The following SLC19A1 variants were observed in gnomAD, a reference collection of about 807,000 sequenced individuals.
The protein encoded by SLC19A1 is reduced folate transporter.
A neutral mutation model predicts 35.3 loss-of-function variants in SLC19A1; 37 were observed. That is an observed-to-expected ratio of 1.05 (90% CI 0.81 to 1.38). The LOEUF (loss-of-function observed/expected upper bound fraction) is 1.38. Among genes scored for constraint, SLC19A1 ranks in the 40% most tolerant of loss-of-function variants. The pLI, the probability that SLC19A1 is intolerant of heterozygous loss-of-function variation, is 0.00. For synonymous variants in SLC19A1, 460 were observed against 398.5 expected, an observed-to-expected ratio of 1.15 and a Z score of -1.84; for missense variants, 831 against 826.9, an observed-to-expected ratio of 1.00 and a Z score of -0.06.
At position 45,514,932 on chromosome 21, in the gene SLC19A1, C is replaced by G; in HGVS notation, c.*726G>C. Reference sequence around the variant, plus strand: ...CGTCCGCGGTGACCGGGACCAGTCCCCTCCGGGCTGGCACAAGTGTGGGAG... The same window carrying G: ...CGTCCGCGGTGACCGGGACCAGTCCGCTCCGGGCTGGCACAAGTGTGGGAG... On this transcript the variant is annotated 3_prime_UTR_variant, in exon 6 of 6. Coordinates refer to ENST00000311124, the MANE Select transcript of SLC19A1 (RefSeq NM_194255.4). The G allele has an allele frequency of 7.1e-7, 1 of 1,406,824 alleles. No individual in the cohort carries two copies. Among genetic ancestry groups the G allele is most frequent in the Non-Finnish European group, 9.4e-7 (1 of 1,061,622 alleles). The allele number at this position is 1,406,824 out of a possible 1,614,324, so 87.1% of individuals were successfully genotyped here.
At chr21:45,509,016 G>A (rs2037413760), downstream of SLC19A1, among the ~76,000 whole-genome samples, 1 of 152,126 alleles carries the variant, frequency 6.6e-6, no homozygotes, top group Admixed American at 6.5e-5. Context: ...GAGATTAGAA[G>A]GTCGAAGGTC....
upstream of SLC19A1, chr21:45,543,998 T>G (rs1053097392): frequency 6.6e-6 from 1 of 152,214 alleles, no homozygotes; most frequent in Non-Finnish European, 1.5e-5. Flanking sequence ...CGAGGGGAAG[T>G]GGGGATGAAC....
chr21:45,525,719 C>CCACA (rs2077587468), intron 5 of SLC19A1, 98 bp downstream of exon 5: 3 of 1,410,236 alleles, frequency 2.1e-6, no homozygotes, highest in Non-Finnish European at 2.9e-6. Context: ...TGCCCCCAGC[C>CCACA]CACAGTGGGC....
downstream of SLC19A1, chr21:45,511,132 TG>T: frequency 6.3e-7 from 1 of 1,583,978 alleles, no homozygotes; most frequent in Non-Finnish European, 8.6e-7. Context: ...GTTTCCCAGC[TG>T]GGAGGCTCTG....
intron 1 of SLC19A1, among the ~76,000 whole-genome samples, chr21:45,552,917 G>A (rs1162142238): frequency 5.9e-5 from 9 of 152,178 alleles, no homozygotes; most frequent in Admixed American, 5.2e-4. Flanking sequence ...ACGGCCTCTC[G>A]CCCAGAACAG....
intron 3 of SLC19A1, 58 bp downstream of exon 3, chr21:45,531,331 G>C (rs1165453719): frequency 6.5e-7 from 1 of 1,531,694 alleles, no homozygotes; most frequent in Non-Finnish European, 8.8e-7. Context: ...CACGGGGCAG[G>C]CGGAGGTGGA....
chr21:45,507,740 G>A (rs1242760006), downstream of SLC19A1: 12 of 778,532 alleles, frequency 1.5e-5, no homozygotes, highest in Non-Finnish European at 2.4e-5. Flanking sequence ...GCAGAAACTG[G>A]TGCAGGACAC....
At chr21:45,504,621 G>C (rs1342897922) in intron 3 of SLC19A1, 4 of 1,444,570 alleles carry the variant, frequency 2.8e-6, no homozygotes, top group South Asian at 2.4e-5. Flanking sequence ...GCCGAGGGCA[G>C]GTCCAGCCCG....
rs893802691 is a variant in SLC19A1, at chr21:45,534,977, C to T, written c.189+2794G>A. 2.6e-5 allele frequency among the ~76,000 whole-genome samples: 4 copies of T among 152,262 alleles called. No individual in the cohort carries two copies. Among genetic ancestry groups the T allele is most frequent in the Admixed American group, 2.6e-4 (4 of 15,286 alleles). On this transcript the variant is annotated intron_variant, in intron 2 of 5. Transcript: ENST00000311124. This position sits in a 1 kb window ranked among gnomAD's most constrained non-coding sequence, Gnocchi z 4.2. ...AGCTGCGCCCAAATCTACGTCCAGACGGCCTCAGGGCGGCTTCTCTGAACA... is the reference window on the plus strand; with the variant it reads ...AGCTGCGCCCAAATCTACGTCCAGATGGCCTCAGGGCGGCTTCTCTGAACA...
intron 5 of SLC19A1, among the ~76,000 whole-genome samples, chr21:45,522,574 C>G (rs1372343317): frequency 6.6e-6 from 1 of 152,182 alleles, no homozygotes; most frequent in Admixed American, 6.5e-5. Flanking sequence ...TTGGTAATAC[C>G]TCACACTGGA....
chr21:45,545,157 G>C (rs1215885816), upstream of SLC19A1, among the ~76,000 whole-genome samples: 2 of 152,176 alleles, frequency 1.3e-5, no homozygotes, highest in African/African-American at 2.4e-5. Flanking sequence ...ACAGACATGC[G>C]CAGACACGCA....
rs564794512 is a variant in SLC19A1 at position 45,531,678 on chromosome 21, G to A, written c.660C>T (p.Cys220=). Residue 220 remains cysteine (C), a synonymous_variant, in exon 3 of 6, where the codon TGC becomes TGT. Transcript: ENST00000311124. The stretch of plus-strand genomic sequence containing the variant: ...GCTCCAGCTCCGAAGCCGAGGTTTC[G>A]CACCGCCCCCGGTCGTCGCGGTTGA... ...LFFNRDDRGR[C]ETSASELERM... 46 of 1,612,342 alleles carry A rather than the reference G, an allele frequency of 2.9e-5. 1 individual carries two copies. The South Asian group carries it at 4.1e-4, about 14-fold the overall frequency.
chr21:45,553,055 G>C (rs927897813), intron 1 of SLC19A1, among the ~76,000 whole-genome samples: 6 of 152,174 alleles, frequency 3.9e-5, no homozygotes, highest in African/African-American at 1.2e-4. Flanking sequence ...ACTAAAACAA[G>C]ACTCCACCGG....
Position 45,534,409 on chromosome 21 carries a change from C to T in SLC19A1, c.190-2261G>A, listed in dbSNP as rs999617353. 1.7e-5 allele frequency: 13 copies of T among 743,408 alleles called. No individual in the cohort carries two copies. Among genetic ancestry groups the T allele is most frequent in the African/African-American group, 3.5e-5 (2 of 56,708 alleles). The allele number at this position is 743,408 out of a possible 1,614,324, so 46.1% of individuals were successfully genotyped here. A position where few individuals can be genotyped will look rare whatever the true frequency, so the allele number is the denominator to read the frequency against. ...CTGCGTGGGGGCATGACAGCCCCAG[C>T]CCCTGGCCGGGGCACAGGTTCTGCC... On this transcript the variant is annotated intron_variant, in intron 2 of 5. Coordinates refer to ENST00000311124, the MANE Select transcript of SLC19A1 (RefSeq NM_194255.4). This position sits in a 1 kb window ranked among gnomAD's most constrained non-coding sequence, Gnocchi z 4.2.
Position 45,531,508 on chromosome 21 carries a change from T to G in SLC19A1, c.830A>C (p.Asn277Thr). 3.7e-6 allele frequency: 6 copies of G among 1,612,370 alleles called. No individual in the cohort carries two copies. Among genetic ancestry groups the G allele is most frequent in the Non-Finnish European group, 3.4e-6 (4 of 1,179,696 alleles). The change falls in exon 3 of 6, where the codon AAC (asparagine) becomes ACC (threonine). Residue 277 changes from asparagine to threonine, a missense_variant. Asn to Thr is a moderately conservative substitution (Grantham distance 65). Transcript: ENST00000311124. ...GACCACCAGGTAGTAGCCGGCCGAG[T>G]TGAAGACCCACCAGAGGGACCACAG... is the stretch of plus-strand genomic sequence containing the variant. ...LRLWSLWWVF[N>T]SAGYYLVVYY...
At chr21:45,512,242 G>C (rs1248706251), downstream of SLC19A1, 3 of 1,612,578 alleles carry the variant, frequency 1.9e-6, no homozygotes. Flanking sequence ...GGCTGACCGA[G>C]AGCTACTGTG....
intron 1 of SLC19A1, among the ~76,000 whole-genome samples, chr21:45,555,782 G>A (rs1051836386): frequency 6.6e-6 from 1 of 152,122 alleles, no homozygotes; most frequent in Non-Finnish European, 1.5e-5. Flanking sequence ...CGCGCCAGCC[G>A]AGGGGCCCGG....
Position 45,514,629 on chromosome 21 carries a change from C to T in SLC19A1, c.*1029G>A. On this transcript the variant is annotated 3_prime_UTR_variant, in exon 6 of 6. Coordinates refer to ENST00000311124, the MANE Select transcript of SLC19A1 (RefSeq NM_194255.4). ...TGCGTGGGCTGGAGGCGGGAGAAGGCTGGGACGCCTCTCCTGGCCTCCTCA... is the reference window on the plus strand; with the variant it reads ...TGCGTGGGCTGGAGGCGGGAGAAGGTTGGGACGCCTCTCCTGGCCTCCTCA... 1 of 212,778 alleles carries T rather than the reference C, an allele frequency of 4.7e-6. No homozygotes were observed. 13.2% of individuals were successfully genotyped at this position (212,778 alleles called of 1,614,324 possible).
In SLC19A1 at chr21:45,514,995, G is replaced by A; in HGVS notation, c.*663C>T. ...CGCAGGTCAGGATGGACACACTTCA[G>A]AAGGACAGACAGGACCATGGAGGGC... On this transcript the variant is annotated 3_prime_UTR_variant, in exon 6 of 6. Transcript: ENST00000311124. The A allele has an allele frequency of 6.6e-7, 1 of 1,519,838 alleles. No individual in the cohort carries two copies. The allele number at this position is 1,519,838 out of a possible 1,614,324, so 94.1% of individuals were successfully genotyped here.
Sources: gnomAD v4.1 joint callset for allele counts (sites outside exome capture counted in the v4.1 genomes callset) on GRCh38, gnomAD v4.1.1 for gene constraint, Gnocchi (gnomAD v3.1) non-coding constraint, MANE v1.5 for transcripts, NCBI Gene and HGNC (gene_info 2026-07-23, HGNC 2026-07-21) for gene names.